DAB1: variants seen among roughly 807,000 people sequenced by gnomAD.
DAB1 encodes the protein disabled homolog 1.
DAB1 carries 15 observed loss-of-function variants against 64.6 expected under a neutral mutation model. That is an observed-to-expected ratio of 0.23 (90% CI 0.16 to 0.36). The LOEUF (loss-of-function observed/expected upper bound fraction) is 0.36, where lower values mean the gene tolerates loss of function less well. Ranked by LOEUF, DAB1 falls within the 10% of genes least tolerant of loss-of-function variation. The pLI, the probability that DAB1 is intolerant of heterozygous loss-of-function variation, is 1.00. For synonymous variants in DAB1, 235 were observed against 251.9 expected, an observed-to-expected ratio of 0.93 and a Z score of 0.64; for missense variants, 596 against 706.7, an observed-to-expected ratio of 0.84 and a Z score of 1.78.
At chr1:57,637,925 C>A (rs1342094924) in intron 7 of DAB1, among the ~76,000 whole-genome samples, 1 of 152,092 alleles carries the variant, frequency 6.6e-6, no homozygotes, top group African/African-American at 2.4e-5. Context: ...AATAATGGAG[C>A]ATTTACTCAA....
intron 9 of DAB1, among the ~76,000 whole-genome samples, chr1:57,058,536 G>A (rs1350652352): frequency 3.3e-5 from 5 of 152,192 alleles, no homozygotes; most frequent in Admixed American, 6.5e-5. Flanking sequence ...TGTCCTCAAC[G>A]GACTTACAAA....
intron 8 of DAB1, among the ~76,000 whole-genome samples, chr1:57,064,202 C>A (rs966897460): frequency 2.6e-5 from 4 of 152,192 alleles, no homozygotes; most frequent in Non-Finnish European, 5.9e-5. Context: ...TTTTTCATCT[C>A]ATTTAACTTA....
intron 7 of DAB1, among the ~76,000 whole-genome samples, chr1:57,561,896 A>T (rs933215930): frequency 1.3e-5 from 2 of 152,216 alleles, no homozygotes; most frequent in Admixed American, 6.5e-5. Context: ...GACCTCTTCC[A>T]TTATACAAAG....
At chr1:58,427,809 G>C (rs557127544) in intron 3 of DAB1, among the ~76,000 whole-genome samples, 1 of 152,242 alleles carries the variant, frequency 6.6e-6, no homozygotes, top group African/African-American at 2.4e-5. Flanking sequence ...GTTCAGGGGA[G>C]AGGCCTGAAA....
chr1:58,202,227 T>A (rs570302688), intron 4 of DAB1, among the ~76,000 whole-genome samples: 2 of 152,376 alleles, frequency 1.3e-5, no homozygotes, highest in South Asian at 4.1e-4. Flanking sequence ...ACTTAATCAA[T>A]GCCTTCTGAC....
chr1:57,406,715 C>G (rs1190262159), intron 1 of DAB1, among the ~76,000 whole-genome samples: 1 of 152,236 alleles, frequency 6.6e-6, no homozygotes, highest in African/African-American at 2.4e-5. Flanking sequence ...AGTGTCCAAA[C>G]ACATGCCTTT....
At chr1:57,763,711 A>ATT (rs1557467110) in intron 6 of DAB1, among the ~76,000 whole-genome samples, 1 of 152,178 alleles carries the variant, frequency 6.6e-6, no homozygotes, top group African/African-American at 2.4e-5. Context: ...GGCCACACCA[A>ATT]AACAGAGATG....
intron 7 of DAB1, among the ~76,000 whole-genome samples, chr1:57,591,742 G>T (rs933456526): frequency 3.3e-5 from 5 of 152,172 alleles, no homozygotes; most frequent in African/African-American, 1.2e-4. Context: ...TTCTCAGTAA[G>T]CAGAATTTAT....
chr1:58,413,525 A>T (rs1644689466), intron 3 of DAB1, among the ~76,000 whole-genome samples: 1 of 152,136 alleles, frequency 6.6e-6, no homozygotes, highest in African/African-American at 2.4e-5. Context: ...TCTCCCTGTG[A>T]TTCCCACTAT....
At chr1:58,293,216 AG>A (rs1661887720) in intron 4 of DAB1, among the ~76,000 whole-genome samples, 12 of 152,230 alleles carry the variant, frequency 7.9e-5, no homozygotes, top group Admixed American at 6.5e-4. Flanking sequence ...ACTTGAGTCT[AG>A]CTCAACTATG....
chr1:58,431,414 CG>C (rs1644869172), intron 3 of DAB1, among the ~76,000 whole-genome samples: 1 of 151,640 alleles, frequency 6.6e-6, no homozygotes, highest in South Asian at 2.1e-4. Flanking sequence ...AAAAATTAGC[CG>C]GGCGTGGTGG....
intron 7 of DAB1, among the ~76,000 whole-genome samples, chr1:57,642,907 C>A (rs890061062): frequency 6.6e-6 from 1 of 152,196 alleles, no homozygotes; most frequent in Non-Finnish European, 1.5e-5. Context: ...AATACCTGTG[C>A]ACCTCACACA....
At chr1:57,980,292 C>G (rs1646032709) in intron 5 of DAB1, among the ~76,000 whole-genome samples, 2 of 151,988 alleles carry the variant, frequency 1.3e-5, no homozygotes, top group African/African-American at 4.8e-5. Context: ...GTCATCTCTA[C>G]ATGGAATGCT....
At chr1:57,686,121 G>T (rs1223759382) in intron 6 of DAB1, among the ~76,000 whole-genome samples, 1 of 152,052 alleles carries the variant, frequency 6.6e-6, no homozygotes, top group Non-Finnish European at 1.5e-5. Context: ...CCAAACATTG[G>T]TTTTTCAAAG....
intron 6 of DAB1, among the ~76,000 whole-genome samples, chr1:57,697,791 C>G (rs143040200): frequency 6.6e-6 from 1 of 152,156 alleles, no homozygotes; most frequent in African/African-American, 2.4e-5. Flanking sequence ...CTGCAATCCA[C>G]GGCACTACTA....
At chr1:57,062,173 G>C (rs555651578) in intron 9 of DAB1, among the ~76,000 whole-genome samples, 148 of 152,254 alleles carry the variant, frequency 9.7e-4, no homozygotes, top group South Asian at 5.8e-3. Context: ...CAGATTCCCA[G>C]GAGTCCCACC....
chr1:57,232,619 C>T lies in DAB1; in HGVS notation c.67+58345G>A, dbSNP rs374878321. Among the ~76,000 whole-genome samples the T allele has an allele frequency of 5.9e-5, 9 of 152,100 alleles. 1 individual carries two copies. The highest frequency in any genetic ancestry group is 1.2e-4 in the Non-Finnish European group (8 of 68,018). ...AGGGAGAAAACCGAGACCCAGAAGTCAAACAGCTAGTAAATGGTAATTTCC... is the reference window on the plus strand; with the variant it reads ...AGGGAGAAAACCGAGACCCAGAAGTTAAACAGCTAGTAAATGGTAATTTCC... On this transcript the variant is annotated intron_variant, in intron 2 of 14. Coordinates refer to ENST00000371236, the MANE Select transcript of DAB1 (RefSeq NM_001365792.1).
chr1:58,191,823 A>G (rs898810504), intron 4 of DAB1, among the ~76,000 whole-genome samples: 10 of 152,328 alleles, frequency 6.6e-5, no homozygotes, highest in African/African-American at 2.4e-4. Context: ...AGAGGCTGGT[A>G]CACAGAAGGA....
chr1:57,744,001 G>C lies in DAB1; in HGVS notation n.552-94336C>G, dbSNP rs562859113. Among the ~76,000 whole-genome samples the C allele has an allele frequency of 2.2e-4, 34 of 152,292 alleles. No homozygotes were observed. In the South Asian group the frequency reaches 7.0e-3, roughly 32 times the overall value. ...TAAGAATGCCTTTAAGCAGTTTTCC[G>C]CCCTGGGCGGGCCAGGTGTTCCTTG... On this transcript the variant is annotated intron_variant and non_coding_transcript_variant, in intron 6 of 20. Coordinates refer to the DAB1 transcript ENST00000485760.
Sources: allele counts gnomAD v4.1 joint callset (sites outside exome capture counted in the v4.1 genomes callset), GRCh38; gene constraint gnomAD v4.1.1; transcripts MANE v1.5; gene names NCBI Gene and HGNC (gene_info 2026-07-23, HGNC 2026-07-21).